Variants in MGAT4C observed in about 807,000 individuals in gnomAD.
MGAT4C encodes the protein alpha-1,3-mannosyl-glycoprotein 4-beta-N-acetylglucosaminyltransferase C.
In MGAT4C, 19 loss-of-function variants were observed where a neutral mutation model predicts 40.1. The ratio of observed to expected loss-of-function variants is 0.47; its 90% CI spans 0.33 to 0.70. MGAT4C has a LOEUF of 0.70. Among genes scored for constraint, MGAT4C ranks in the 30% least tolerant of loss-of-function variants. The probability of loss-of-function intolerance (pLI) is 0.02; values close to 1 mark genes in which losing one functional copy is unlikely to be tolerated. For missense variants in MGAT4C, 491 were observed against 563.2 expected, an observed-to-expected ratio of 0.87 and a Z score of 1.30; for synonymous variants, 181 against 187.1, an observed-to-expected ratio of 0.97 and a Z score of 0.27.
At chr12:86,736,015 C>T (rs892098664) in intron 1 of MGAT4C, among the ~76,000 whole-genome samples, 4 of 151,772 alleles carry the variant, frequency 2.6e-5, no homozygotes, top group African/African-American at 9.7e-5. Flanking sequence ...CTATAAAAAG[C>T]CTCTCTCTGT....
Position 86,352,434 on chromosome 12 carries a change from T to C in MGAT4C, c.-119-18307A>G, listed in dbSNP as rs1388722015. ...TCATCATCTGCTAGCACTTTTCCTA[T>C]GTATACGAACACCTATGTATATTAT... On this transcript the variant is annotated intron_variant, in intron 3 of 7. Transcript: ENST00000548651. Among the ~76,000 whole-genome samples, 6 of 152,134 alleles carry C rather than the reference T, an allele frequency of 3.9e-5. No homozygotes were observed. In the East Asian group the frequency reaches 1.2e-3, roughly 29 times the overall value.
At chr12:86,723,277 G>A (rs940404472) in intron 2 of MGAT4C, among the ~76,000 whole-genome samples, 6 of 152,164 alleles carry the variant, frequency 3.9e-5, no homozygotes, top group Non-Finnish European at 5.9e-5. Flanking sequence ...GAAATAAAAT[G>A]TCTATCTTAG....
At chr12:86,574,100 T>A (rs1480575934) in intron 2 of MGAT4C, among the ~76,000 whole-genome samples, 3 of 151,818 alleles carry the variant, frequency 2.0e-5, no homozygotes, top group African/African-American at 7.2e-5. Flanking sequence ...TATTTTCTAT[T>A]CCCCTACCCC....
intron 2 of MGAT4C, among the ~76,000 whole-genome samples, chr12:86,030,254 T>A (rs908747520): frequency 6.6e-6 from 1 of 151,740 alleles, no homozygotes; most frequent in South Asian, 2.1e-4. Context: ...GTTAAAAAAA[T>A]TTATGTGAAC....
At chr12:86,700,743 T>C (rs1950347548) in intron 2 of MGAT4C, among the ~76,000 whole-genome samples, 1 of 152,146 alleles carries the variant, frequency 6.6e-6, no homozygotes, top group South Asian at 2.1e-4. Flanking sequence ...ATTCTAAGTA[T>C]TGATTCTTGC....
At chr12:86,303,183 C>G (rs1421910224) in intron 4 of MGAT4C, among the ~76,000 whole-genome samples, 1 of 150,530 alleles carries the variant, frequency 6.6e-6, no homozygotes, top group South Asian at 2.1e-4. Flanking sequence ...GACAGGAGAA[C>G]TTAGAATTTG....
chr12:86,727,660 C>A (rs1423332220), intron 1 of MGAT4C, among the ~76,000 whole-genome samples: 1 of 151,878 alleles, frequency 6.6e-6, no homozygotes, highest in African/African-American at 2.4e-5. Flanking sequence ...TCACATAGTT[C>A]TTAAGAAAGA....
intron 4 of MGAT4C, among the ~76,000 whole-genome samples, chr12:86,267,147 GT>G (rs1952807009): frequency 6.6e-6 from 1 of 151,612 alleles, no homozygotes; most frequent in Non-Finnish European, 1.5e-5. Context: ...TGCAGTTTTG[GT>G]TTGTTTTTGC....
chr12:86,651,135 G>A (rs1375367034), intron 2 of MGAT4C, among the ~76,000 whole-genome samples: 1 of 151,826 alleles, frequency 6.6e-6, no homozygotes, highest in African/African-American at 2.4e-5. Context: ...AATAAGATAC[G>A]TTAAATGGTA....
chr12:86,144,723 G>A (rs1883286630), intron 1 of MGAT4C, among the ~76,000 whole-genome samples: 3 of 151,986 alleles, frequency 2.0e-5, no homozygotes, highest in Admixed American at 1.3e-4. Flanking sequence ...TTATAGTAAG[G>A]TTTTACAAGA....
chr12:86,362,321 C>T (rs1955494760), intron 3 of MGAT4C, among the ~76,000 whole-genome samples: 1 of 151,982 alleles, frequency 6.6e-6, no homozygotes, highest in African/African-American at 2.4e-5. Context: ...GGAACATCGC[C>T]CATTGGGGCC....
At chr12:86,750,309 T>TCAGCC (rs1405727169) in intron 1 of MGAT4C, among the ~76,000 whole-genome samples, 2 of 151,890 alleles carry the variant, frequency 1.3e-5, no homozygotes, top group Non-Finnish European at 2.9e-5. Context: ...GAGGCTGAAT[T>TCAGCC]CAGCCTGAAG....
chr12:86,488,668 C>A (rs76409261), intron 2 of MGAT4C, among the ~76,000 whole-genome samples: 8 of 152,116 alleles, frequency 5.3e-5, no homozygotes, highest in Non-Finnish European at 1.0e-4. Context: ...CTATGAGGAA[C>A]CGTATTATTT....
chr12:86,240,026 TA>T (rs1287336143), intron 1 of MGAT4C, among the ~76,000 whole-genome samples: 292 of 69,724 alleles, frequency 4.2e-3, no homozygotes, highest in African/African-American at 7.7e-3. Context: ...TAGAGTATAA[TA>T]AAAAAAAAAA....
At chr12:86,394,460 TTA>T (rs1044736175) in intron 3 of MGAT4C, among the ~76,000 whole-genome samples, 3 of 146,606 alleles carry the variant, frequency 2.0e-5, no homozygotes, top group Non-Finnish European at 3.0e-5. Context: ...TTTGGTTTAA[TTA>T]TATATATATA....
At chr12:86,035,540 G>C (rs1450223408) in intron 2 of MGAT4C, among the ~76,000 whole-genome samples, 1 of 149,860 alleles carries the variant, frequency 6.7e-6, no homozygotes, top group Non-Finnish European at 1.5e-5. Flanking sequence ...TGTTCACTAT[G>C]GTGATAGTTT....
Position 86,111,694 on chromosome 12 carries a change from T to C in MGAT4C, c.-56-61971A>G, listed in dbSNP as rs902079974. Among the ~76,000 whole-genome samples, 6 of 151,914 alleles carry C rather than the reference T, an allele frequency of 3.9e-5. 1 individual carries two copies. In the South Asian group the frequency reaches 8.3e-4, roughly 21 times the overall value. ...TTCAAACCTTTCCTAAAAACACTTT[T>C]TGAAAGCTTAACTAGAGTGGCTACA... On this transcript the variant is annotated intron_variant, in intron 1 of 4. Coordinates refer to ENST00000611864, the MANE Select transcript of MGAT4C (RefSeq NM_001351288.2).
At chr12:86,098,141 T>C (rs1045723166) in intron 1 of MGAT4C, among the ~76,000 whole-genome samples, 1 of 151,740 alleles carries the variant, frequency 6.6e-6, no homozygotes, top group Non-Finnish European at 1.5e-5. Flanking sequence ...AATTATAATT[T>C]ACAGTGTTTA....
intron 2 of MGAT4C, among the ~76,000 whole-genome samples, chr12:86,473,599 C>T (rs1957786429): frequency 2.0e-5 from 3 of 152,108 alleles, no homozygotes; most frequent in Admixed American, 2.0e-4. Flanking sequence ...CTTCAAGAGC[C>T]TTGAGAAACT....
Sources: gnomAD v4.1 joint callset for allele counts (sites outside exome capture counted in the v4.1 genomes callset) on GRCh38, gnomAD v4.1.1 for gene constraint, MANE v1.5 for transcripts, NCBI Gene and HGNC (gene_info 2026-07-23, HGNC 2026-07-21) for gene names.